SLIT3: variants seen among roughly 807,000 people sequenced by gnomAD.
The protein encoded by SLIT3 is slit homolog 3 protein.
SLIT3 carries 68 observed loss-of-function variants against 184.0 expected under a neutral mutation model. The observed-to-expected ratio is 0.37, with a 90% confidence interval of 0.30 to 0.45. The LOEUF (loss-of-function observed/expected upper bound fraction) is 0.45. Among genes scored for constraint, SLIT3 ranks in the 20% least tolerant of loss-of-function variants. The pLI is 1.00. For missense variants in SLIT3, 1,707 were observed against 2,026.0 expected (o/e 0.84, Z 3.02); for synonymous variants, 831 against 828.6 (o/e 1.00, Z -0.05).
chr5:168,674,727 C>A (rs1275800022), intron 32 of SLIT3, among the ~76,000 whole-genome samples: 4 of 151,786 alleles, frequency 2.6e-5, no homozygotes, highest in Non-Finnish European at 5.9e-5. Flanking sequence ...CCTGACCTCA[C>A]GTGATCCACT....
At chr5:169,129,918 G>A (rs192083421) in intron 4 of SLIT3, among the ~76,000 whole-genome samples, 16 of 151,996 alleles carry the variant, frequency 1.1e-4, no homozygotes, top group African/African-American at 2.7e-4. Context: ...GCACAATCTC[G>A]GCTCACTGCA....
At chr5:168,924,448 A>G (rs1330025405) in intron 4 of SLIT3, among the ~76,000 whole-genome samples, 1 of 152,020 alleles carries the variant, frequency 6.6e-6, no homozygotes, top group Non-Finnish European at 1.5e-5. Context: ...CCTCAGTTCA[A>G]TGCAAGCCAG....
At chr5:169,107,843 G>A (rs1174104576) in intron 4 of SLIT3, among the ~76,000 whole-genome samples, 1 of 152,186 alleles carries the variant, frequency 6.6e-6, no homozygotes, top group Admixed American at 6.5e-5. Flanking sequence ...CTCCCCTCAT[G>A]CCCTAGGCTT....
At chr5:169,180,588 G>A (rs1363888367) in intron 4 of SLIT3, among the ~76,000 whole-genome samples, 1 of 152,140 alleles carries the variant, frequency 6.6e-6, no homozygotes, top group African/African-American at 2.4e-5. Context: ...GGTAATGCAT[G>A]GTGAAGACAG....
At chr5:168,899,393 A>G (rs896407204) in intron 4 of SLIT3, among the ~76,000 whole-genome samples, 3 of 152,304 alleles carry the variant, frequency 2.0e-5, no homozygotes, top group Admixed American at 2.0e-4. Flanking sequence ...GTATGCCTAT[A>G]GTCCCAGCTA....
At chr5:169,005,648 T>C (rs62378637) in intron 4 of SLIT3, among the ~76,000 whole-genome samples, 5,544 of 152,296 alleles carry the variant, frequency 0.036, 125 homozygotes, top group Middle Eastern at 0.065. Flanking sequence ...TTCAGCTACA[T>C]AATCAGGATA....
At chr5:168,933,260 G>A (rs1469234402) in intron 4 of SLIT3, among the ~76,000 whole-genome samples, 5 of 152,198 alleles carry the variant, frequency 3.3e-5, no homozygotes, top group Non-Finnish European at 7.3e-5. Context: ...ACAGCCAGAG[G>A]AGGCTGGGCG....
chr5:169,118,326 G>A (rs1760764180), intron 4 of SLIT3, among the ~76,000 whole-genome samples: 1 of 152,136 alleles, frequency 6.6e-6, no homozygotes, highest in Admixed American at 6.5e-5. Flanking sequence ...TGGAGGACAT[G>A]TGTGTGCTGG....
intron 4 of SLIT3, among the ~76,000 whole-genome samples, chr5:169,131,463 T>C (rs1561685308): frequency 6.6e-6 from 1 of 152,226 alleles, no homozygotes; most frequent in Admixed American, 6.5e-5. Flanking sequence ...TGAGAACCAC[T>C]AAATTAGCAG....
intron 4 of SLIT3, among the ~76,000 whole-genome samples, chr5:169,180,695 C>A (rs890440880): frequency 5.9e-5 from 9 of 152,198 alleles, no homozygotes; most frequent in African/African-American, 1.7e-4. Context: ...GCAACTCTGT[C>A]TTTCCCTGCT....
At chr5:169,049,848 G>A (rs180857453) in intron 4 of SLIT3, among the ~76,000 whole-genome samples, 9 of 152,304 alleles carry the variant, frequency 5.9e-5, no homozygotes, top group African/African-American at 1.7e-4. Context: ...GGGTGGGTTT[G>A]TGGTATTGTT....
chr5:168,812,212 G>A (rs1181044801), intron 8 of SLIT3, among the ~76,000 whole-genome samples: 1 of 152,198 alleles, frequency 6.6e-6, no homozygotes, highest in Non-Finnish European at 1.5e-5. Flanking sequence ...GGGTATTCGG[G>A]AGGAGGACAT....
At chr5:169,001,130 T>C (rs12651877) in intron 4 of SLIT3, among the ~76,000 whole-genome samples, 11,025 of 152,302 alleles carry the variant, frequency 0.072, 469 homozygotes, top group East Asian at 0.19. Flanking sequence ...TTTATCCAAG[T>C]GCTTTGCTAT....
intron 4 of SLIT3, among the ~76,000 whole-genome samples, chr5:168,941,571 A>T (rs1762333846): frequency 1.3e-5 from 2 of 152,206 alleles, no homozygotes; most frequent in South Asian, 4.1e-4. Context: ...TCTCCTTATC[A>T]TACATTTGGG....
At chr5:169,237,743 T>C (rs1765253343) in intron 3 of SLIT3, among the ~76,000 whole-genome samples, 1 of 152,212 alleles carries the variant, frequency 6.6e-6, no homozygotes. Flanking sequence ...GTCCATTTCT[T>C]TCCTTTATAG....
chr5:168,738,388 A>G lies in SLIT3; in HGVS notation c.2270+9914T>C, dbSNP rs75497391. Among the ~76,000 whole-genome samples, 778 of 152,214 alleles carry G rather than the reference A, an allele frequency of 5.1e-3. 32 individuals carry two copies. The East Asian group carries it at 0.12, about 24-fold the overall frequency. ...TGAAGTACCAAGAATTATTGTTTGT[A>G]TTAACATTCAACTCTTGAGCACACA... On this transcript the variant is annotated intron_variant, in intron 20 of 35. Transcript: ENST00000519560.
At chr5:169,278,044 T>C (rs1005502435) in intron 1 of SLIT3, among the ~76,000 whole-genome samples, 3 of 152,206 alleles carry the variant, frequency 2.0e-5, no homozygotes, top group Non-Finnish European at 4.4e-5. Context: ...GCATGGACTA[T>C]AGCTTTGTTG....
chr5:168,675,659 G>C (rs1283679235), intron 32 of SLIT3, among the ~76,000 whole-genome samples: 1 of 152,160 alleles, frequency 6.6e-6, no homozygotes, highest in Non-Finnish European at 1.5e-5. Context: ...TTGAGCCCAG[G>C]TGTTCAAGTT....
intron 29 of SLIT3, among the ~76,000 whole-genome samples, chr5:168,690,050 T>C (rs1582532908): frequency 6.6e-6 from 1 of 152,126 alleles, no homozygotes; most frequent in Non-Finnish European, 1.5e-5. Context: ...GAATAAGTTC[T>C]GGGGATCATA....
Sources: allele counts gnomAD v4.1 joint callset (sites outside exome capture counted in the v4.1 genomes callset), GRCh38; gene constraint gnomAD v4.1.1; transcripts MANE v1.5; gene names NCBI Gene and HGNC (gene_info 2026-07-23, HGNC 2026-07-21).